COLEC10: variants seen among roughly 807,000 people sequenced by gnomAD.
COLEC10 encodes collectin subfamily member 10, also known as collectin-10.
Under a neutral mutation model 28.4 loss-of-function variants are expected in COLEC10, and 22 were observed. That is an observed-to-expected ratio of 0.78 (90% CI 0.55 to 1.11). COLEC10 has a LOEUF of 1.11. COLEC10 is among the 50% of genes least tolerant of loss of function. COLEC10 has a pLI of 0.00. For missense variants in COLEC10, 361 were observed against 344.1 expected, an observed-to-expected ratio of 1.05 and a Z score of -0.39; for synonymous variants, 125 against 116.1, an observed-to-expected ratio of 1.08 and a Z score of -0.49.
At chr8:119,090,678 G>T (rs1005168903) in intron 2 of COLEC10, among the ~76,000 whole-genome samples, 19 of 152,200 alleles carry the variant, frequency 1.2e-4, no homozygotes, top group African/African-American at 4.6e-4. Flanking sequence ...GCAGGACCAT[G>T]TCTGATGTTT....
At chr8:119,034,250 G>C (rs926385865) in intron 2 of COLEC10, among the ~76,000 whole-genome samples, 2 of 152,228 alleles carry the variant, frequency 1.3e-5, no homozygotes, top group South Asian at 4.1e-4. Context: ...TGGAGGATGG[G>C]GGGTGGGGAG....
the COLEC10 span, among the ~76,000 whole-genome samples, chr8:118,966,798 G>A: frequency 6.6e-6 from 1 of 151,708 alleles, no homozygotes; most frequent in Non-Finnish European, 1.5e-5. Context: ...CTTATTGAAT[G>A]CCAAGGCATA....
chr8:119,086,776 C>T (rs1325938298), intron 1 of COLEC10, among the ~76,000 whole-genome samples: 1 of 152,192 alleles, frequency 6.6e-6, no homozygotes, highest in Non-Finnish European at 1.5e-5. Flanking sequence ...CAAAGGGCTT[C>T]ACATATATGC....
At chr8:118,971,212 T>C in the COLEC10 span, among the ~76,000 whole-genome samples, 5 of 151,910 alleles carry the variant, frequency 3.3e-5, no homozygotes, top group Non-Finnish European at 5.9e-5. Flanking sequence ...GCTTGCTATC[T>C]TACCATCCTT....
rs1292867093 is a variant in COLEC10, at chr8:119,102,206, TCCTTCCTC to T, written c.293-138_293-131del. The stretch of plus-strand genomic sequence containing the variant: ...GCTTTGACTCTAGATGTAAATTCAC[TCCTTCCTC>T]CCTCCCTCCCTCCCTCCCTCCCTCC... On this transcript the variant is annotated intron_variant, in intron 3 of 5. Transcript: ENST00000332843. The T allele has an allele frequency of 1.9e-3, 694 of 361,724 alleles. 22 individuals are homozygous for T. The East Asian group carries it at 0.02, about 10-fold the overall frequency. The allele number at this position is 361,724 out of a possible 1,614,324, so 22.4% of individuals were successfully genotyped here.
At chr8:118,969,033 C>A in the COLEC10 span, among the ~76,000 whole-genome samples, 8 of 151,966 alleles carry the variant, frequency 5.3e-5, no homozygotes, top group African/African-American at 1.9e-4. Context: ...GAGTTAGAGG[C>A]ATTATCCTGA....
intron 2 of COLEC10, among the ~76,000 whole-genome samples, chr8:119,037,955 A>G (rs1275735792): frequency 6.6e-6 from 1 of 152,216 alleles, no homozygotes; most frequent in Non-Finnish European, 1.5e-5. Context: ...TATCTCTTGC[A>G]TCATGCTATT....
At chr8:119,043,993 T>A (rs1259149652) in intron 2 of COLEC10, among the ~76,000 whole-genome samples, 2 of 152,118 alleles carry the variant, frequency 1.3e-5, no homozygotes, top group Admixed American at 6.6e-5. Flanking sequence ...CTATAAAAAA[T>A]AAATAAATAA....
intron 2 of COLEC10, among the ~76,000 whole-genome samples, chr8:119,027,705 C>T (rs1253921071): frequency 6.6e-6 from 1 of 152,160 alleles, no homozygotes; most frequent in Non-Finnish European, 1.5e-5. Context: ...TTTAACTTCT[C>T]TGCACAGTTA....
rs115646185 is a variant in COLEC10 at position 119,009,124 on chromosome 8, A to T, written n.123-317A>T. Among the ~76,000 whole-genome samples the T allele has an allele frequency of 7.2e-3, 1,094 of 151,024 alleles. 16 individuals carry two copies. The highest frequency in any genetic ancestry group is 0.018 in the Admixed American group (277 of 15,238). ...TTTAGATTCACTTCTATAAAACCCAACACAGGTGAGGAAAGGAGGAAGAGA... is the reference window on the plus strand; with the variant it reads ...TTTAGATTCACTTCTATAAAACCCATCACAGGTGAGGAAAGGAGGAAGAGA... On this transcript the variant is annotated intron_variant and non_coding_transcript_variant, in intron 1 of 6. Transcript: ENST00000521788.
chr8:118,974,896 G>A, the COLEC10 span, among the ~76,000 whole-genome samples: 31 of 151,990 alleles, frequency 2.0e-4, no homozygotes, highest in Admixed American at 1.9e-3. Context: ...TAAAGTTTAT[G>A]GTTTGTTGCT....
intron 3 of COLEC10, among the ~76,000 whole-genome samples, chr8:119,101,271 C>T (rs1815819443): frequency 6.6e-6 from 1 of 152,104 alleles, no homozygotes; most frequent in South Asian, 2.1e-4. Flanking sequence ...GCATTCATCC[C>T]TCGTGAGTTC....
chr8:119,027,094 A>T (rs1453554536), intron 2 of COLEC10, among the ~76,000 whole-genome samples: 1 of 152,182 alleles, frequency 6.6e-6, no homozygotes, highest in Non-Finnish European at 1.5e-5. Flanking sequence ...CACTGCTATA[A>T]AACAGGAATA....
At chr8:118,984,885 G>C in the COLEC10 span, among the ~76,000 whole-genome samples, 2 of 152,126 alleles carry the variant, frequency 1.3e-5, no homozygotes, top group South Asian at 4.1e-4. Context: ...ATCTTACGTG[G>C]ATGGTGGCAG....
At chr8:118,985,291 A>G in the COLEC10 span, among the ~76,000 whole-genome samples, 1 of 151,264 alleles carries the variant, frequency 6.6e-6, no homozygotes, top group Admixed American at 6.6e-5. Flanking sequence ...GGTCCTCCTT[A>G]AAAAAAAATT....
chr8:119,083,776 A>C (rs1815413061), intron 1 of COLEC10, among the ~76,000 whole-genome samples: 1 of 152,116 alleles, frequency 6.6e-6, no homozygotes, highest in Non-Finnish European at 1.5e-5. Context: ...AATTAATTAA[A>C]ATTAAATAAT....
chr8:119,007,466 T>C (rs961861892), intron 1 of COLEC10, among the ~76,000 whole-genome samples: 2 of 151,444 alleles, frequency 1.3e-5, no homozygotes, highest in Admixed American at 6.6e-5. Context: ...TTAGAAATTA[T>C]TGGGATTTAC....
chr8:118,965,209 T>C, the COLEC10 span, among the ~76,000 whole-genome samples: 1 of 151,966 alleles, frequency 6.6e-6, no homozygotes, highest in South Asian at 2.1e-4. Context: ...CTCTGTATTA[T>C]AAGATACAGA....
At chr8:118,959,219 C>CA in the COLEC10 span, among the ~76,000 whole-genome samples, 2 of 151,434 alleles carry the variant, frequency 1.3e-5, no homozygotes, top group East Asian at 1.9e-4. Context: ...TAAAGAACAA[C>CA]AAAAAAAATA....
Sources: gnomAD v4.1 joint callset for allele counts (sites outside exome capture counted in the v4.1 genomes callset) on GRCh38, gnomAD v4.1.1 for gene constraint, MANE v1.5 for transcripts, NCBI Gene and HGNC (gene_info 2026-07-23, HGNC 2026-07-21) for gene names.